SDE2: variants seen among roughly 807,000 people sequenced by gnomAD.
The protein encoded by SDE2 is spliceosome associated SDE2.
In SDE2, 31 loss-of-function variants were observed where a neutral mutation model predicts 46.9. That is an observed-to-expected ratio of 0.66 (90% confidence interval 0.50 to 0.89). The LOEUF (loss-of-function observed/expected upper bound fraction) is 0.89, where lower values mean the gene tolerates loss of function less well. Ranked by LOEUF, SDE2 falls within the 40% of genes least tolerant of loss-of-function variation. SDE2 has a pLI of 0.00. For synonymous variants in SDE2, 205 were observed against 204.3 expected (o/e 1.00, Z -0.03); for missense variants, 542 against 564.4 (o/e 0.96, Z 0.40).
At position 225,992,869 on chromosome 1, in the gene SDE2, CAAAA is replaced by C; in HGVS notation, c.350+18_350+21del. The C allele has an allele frequency of 1.4e-6, 2 of 1,413,226 alleles. No homozygotes were observed. Among genetic ancestry groups the C allele is most frequent in the Non-Finnish European group, 2.0e-6 (2 of 998,006 alleles). 87.5% of individuals were successfully genotyped at this position (1,413,226 alleles called of 1,614,324 possible). On this transcript the variant is annotated intron_variant, in intron 3 of 6. Coordinates refer to ENST00000272091, the MANE Select transcript of SDE2 (RefSeq NM_152608.4). ...AAGTATATGTCTCTCCTCAAAAACA[CAAAA>C]AAAGGTGGGCATCTTACGCTTTTTC...
At chr1:225,990,516 A>C (rs1240173123) in intron 5 of SDE2, among the ~76,000 whole-genome samples, 1 of 152,178 alleles carries the variant, frequency 6.6e-6, no homozygotes, top group African/African-American at 2.4e-5. Context: ...CGTAGAACCA[A>C]TCAACCAAAA....
rs1656229274 is a variant in SDE2, at chr1:225,984,631, A to T, written c.*671T>A. On this transcript the variant is annotated 3_prime_UTR_variant, in exon 7 of 7. Coordinates refer to ENST00000272091, the MANE Select transcript of SDE2 (RefSeq NM_152608.4). ...CGAGACCATCCTGGCTAACACAGTG[A>T]AACCCAGTCTCCACTAAAAATATAA... 1 of 152,190 alleles carries T rather than the reference A, an allele frequency of 6.6e-6. No individual in the cohort carries two copies. Among genetic ancestry groups the T allele is most frequent in the Non-Finnish European group, 1.5e-5 (1 of 68,102 alleles). 9.4% of individuals were successfully genotyped at this position (152,190 alleles called of 1,614,324 possible).
rs1656391995 is a variant in SDE2, at chr1:225,991,240, T to C, written c.641+3A>G. ...CAATTGGGAACGAAAGTGAAACACTTACCAGAAGCATCTCCTCTTTCCCGC... is the reference window on the plus strand; with the variant it reads ...CAATTGGGAACGAAAGTGAAACACTCACCAGAAGCATCTCCTCTTTCCCGC... On this transcript the variant is annotated splice_donor_region_variant and intron_variant, in intron 5 of 6. Coordinates refer to ENST00000272091, the MANE Select transcript of SDE2 (RefSeq NM_152608.4). 15 of 1,612,850 alleles carry C rather than the reference T, an allele frequency of 9.3e-6. No individual in the cohort carries two copies. The highest frequency in any genetic ancestry group is 1.3e-5 in the Non-Finnish European group (15 of 1,179,094).
intron 1 of SDE2, among the ~76,000 whole-genome samples, chr1:225,995,958 G>A (rs1164293416): frequency 6.6e-6 from 1 of 152,156 alleles, no homozygotes; most frequent in Admixed American, 6.6e-5. Context: ...CTGCCCCAGA[G>A]CCTACATGAA....
chr1:225,988,424 T>C (rs1656320036), intron 5 of SDE2, 36 bp from the exon 6 acceptor site: 2 of 1,606,202 alleles, frequency 1.2e-6, no homozygotes, highest in South Asian at 1.1e-5. Context: ...ACAGCGTTTG[T>C]AGCTTCTATT....
chr1:225,999,156 CCT>C (rs1301442906), intron 1 of SDE2, 35 bp downstream of exon 1: 1 of 1,572,398 alleles, frequency 6.4e-7, no homozygotes, highest in Non-Finnish European at 8.7e-7. Context: ...CACCTGTCTG[CCT>C]CTTTCTCCTT....
chr1:225,991,823 AG>A (rs1340932788), intron 4 of SDE2, among the ~76,000 whole-genome samples: 6 of 152,370 alleles, frequency 3.9e-5, no homozygotes, highest in South Asian at 4.1e-4. Flanking sequence ...AAATTCTTTG[AG>A]GTCTAGACAT....
At chr1:225,989,890 A>G (rs911123584) in intron 5 of SDE2, among the ~76,000 whole-genome samples, 1 of 152,066 alleles carries the variant, frequency 6.6e-6, no homozygotes, top group African/African-American at 2.4e-5. Context: ...CCTAGGCAAC[A>G]TGGCAAAACC....
chr1:225,998,826 C>G (rs541635629), intron 1 of SDE2, among the ~76,000 whole-genome samples: 1 of 152,156 alleles, frequency 6.6e-6, no homozygotes, highest in Non-Finnish European at 1.5e-5. Flanking sequence ...ACAAAATACA[C>G]GTCACATAAC....
chr1:225,990,664 T>A (rs905308200), intron 5 of SDE2, among the ~76,000 whole-genome samples: 2 of 152,200 alleles, frequency 1.3e-5, no homozygotes, highest in African/African-American at 4.8e-5. Context: ...TATGCTGAAC[T>A]CATAGTGTTA....
intron 3 of SDE2, 139 bp downstream of exon 3, chr1:225,992,752 A>G (rs1356008178): frequency 1.5e-6 from 1 of 677,540 alleles, no homozygotes; most frequent in African/African-American, 1.8e-5. Context: ...TAAATTATGG[A>G]AAAGGTTAAA....
At chr1:225,995,507 T>C in intron 1 of SDE2, 124 bp from the exon 2 acceptor site, 1 of 522,928 alleles carries the variant, frequency 1.9e-6, no homozygotes, top group African/African-American at 2.0e-5. Flanking sequence ...TAATATTTGT[T>C]GAATTGAAAA....
In SDE2 at chr1:225,992,580, G is replaced by T; in HGVS notation, c.351-13C>A. The T allele has an allele frequency of 1.3e-6, 2 of 1,575,984 alleles. No individual in the cohort carries two copies. The highest frequency in any genetic ancestry group is 8.7e-7 in the Non-Finnish European group (1 of 1,153,114). On this transcript the variant is annotated splice_polypyrimidine_tract_variant and intron_variant, in intron 3 of 6. Transcript: ENST00000272091. Reference sequence around the variant, plus strand: ...CCATTCAGCCATTCTGGGGATGAGGGAGGAAGAGATATAACTGAATAGATA... The same window carrying T: ...CCATTCAGCCATTCTGGGGATGAGGTAGGAAGAGATATAACTGAATAGATA...
chr1:225,994,921 A>G (rs960320506), intron 2 of SDE2, among the ~76,000 whole-genome samples: 5 of 152,186 alleles, frequency 3.3e-5, no homozygotes, highest in African/African-American at 9.6e-5. Context: ...GCATGTGCCT[A>G]TAGTCCCAGC....
At chr1:225,996,325 AC>A (rs531821182) in intron 1 of SDE2, among the ~76,000 whole-genome samples, 2 of 152,340 alleles carry the variant, frequency 1.3e-5, no homozygotes, top group African/African-American at 4.8e-5. Context: ...TAATGTTTAC[AC>A]ATTAGAAGCC....
At chr1:225,985,581 CTT>C (rs1656252129) in intron 6 of SDE2, 58 bp from the exon 7 acceptor site, 12 of 1,066,382 alleles carry the variant, frequency 1.1e-5, no homozygotes, top group Non-Finnish European at 1.7e-5. Context: ...AATAAAGACT[CTT>C]TAACTGTCAA....
intron 1 of SDE2, among the ~76,000 whole-genome samples, chr1:225,998,443 C>T (rs1277672250): frequency 3.3e-5 from 5 of 152,182 alleles, no homozygotes; most frequent in African/African-American, 4.8e-5. Flanking sequence ...GAACAGAGTT[C>T]TAGATCAAGT....
chr1:225,997,236 G>A (rs1414650525), intron 1 of SDE2, among the ~76,000 whole-genome samples: 1 of 152,158 alleles, frequency 6.6e-6, no homozygotes, highest in Non-Finnish European at 1.5e-5. Flanking sequence ...AAGCAGGGCA[G>A]ATTTTTATTT....
At chr1:225,991,128 T>C in intron 5 of SDE2, 115 bp downstream of exon 5, 1 of 983,806 alleles carries the variant, frequency 1.0e-6, no homozygotes, top group Non-Finnish European at 1.5e-6. Context: ...ACTCTGGAAA[T>C]TTTCTGAGCT....
Sources: allele counts gnomAD v4.1 joint callset (sites outside exome capture counted in the v4.1 genomes callset), GRCh38; gene constraint gnomAD v4.1.1; transcripts MANE v1.5; gene names NCBI Gene and HGNC (gene_info 2026-07-23, HGNC 2026-07-21).